The following FAT3 variants were observed in gnomAD, a reference collection of about 807,000 sequenced individuals.
The protein encoded by FAT3 is protocadherin Fat 3.
In FAT3, 95 loss-of-function variants were observed where a neutral mutation model predicts 310.2. That is an observed-to-expected ratio of 0.31 (90% CI 0.26 to 0.36). The LOEUF is 0.36. FAT3 is among the 10% of genes least tolerant of loss of function. The probability of loss-of-function intolerance (pLI) is 1.00; values close to 1 mark genes in which losing one functional copy is unlikely to be tolerated. For synonymous variants in FAT3, 2,314 were observed against 2,192.9 expected, an observed-to-expected ratio of 1.06 and a Z score of -1.54; for missense variants, 5,408 against 5,715.6, an observed-to-expected ratio of 0.95 and a Z score of 1.74.
At chr11:92,803,438 C>T (rs1281993404) in intron 10 of FAT3, among the ~76,000 whole-genome samples, 1 of 152,202 alleles carries the variant, frequency 6.6e-6, no homozygotes, top group East Asian at 1.9e-4. Context: ...CACTGTGGGC[C>T]TGCACTGAAA....
intron 3 of FAT3, among the ~76,000 whole-genome samples, chr11:92,640,748 G>T (rs998114392): frequency 5.9e-5 from 9 of 152,154 alleles, no homozygotes; most frequent in Non-Finnish European, 1.3e-4. Context: ...TTGAGTAAAA[G>T]GTAGCCCTGT....
chr11:92,385,933 T>A (rs865957244), intron 2 of FAT3, among the ~76,000 whole-genome samples: 1 of 151,810 alleles, frequency 6.6e-6, no homozygotes, highest in Non-Finnish European at 1.5e-5. Context: ...ATCACTTGAG[T>A]CCAGGAGTTC....
chr11:92,233,199 G>A (rs1299786553), intron 1 of FAT3, among the ~76,000 whole-genome samples: 2 of 152,192 alleles, frequency 1.3e-5, no homozygotes, highest in African/African-American at 4.8e-5. Context: ...TTCATTACCT[G>A]TTTATAACTT....
At chr11:92,387,300 G>C (rs1949648642) in intron 2 of FAT3, among the ~76,000 whole-genome samples, 1 of 152,102 alleles carries the variant, frequency 6.6e-6, no homozygotes, top group Non-Finnish European at 1.5e-5. Flanking sequence ...GAGGCACGAA[G>C]GTTCTTTCTT....
rs148166925 is a variant in FAT3 at position 92,836,179 on chromosome 11, G to A, written c.10087-387G>A. Among the ~76,000 whole-genome samples the A allele has an allele frequency of 4.9e-3, 741 of 152,246 alleles. 6 individuals carry two copies. Among genetic ancestry groups the A allele is most frequent in the Non-Finnish European group, 8.0e-3 (546 of 68,028 alleles). The stretch of plus-strand genomic sequence containing the variant: ...GAACTTTCTTGGCTTCCTTAACATG[G>A]AAATGCATAGGCCTAGAGAATCCCT... On this transcript the variant is annotated intron_variant, in intron 15 of 27. Coordinates refer to ENST00000525166, the MANE Select transcript of FAT3 (RefSeq NM_001367949.2).
At chr11:92,541,098 C>CTCAT (rs968117643) in intron 3 of FAT3, among the ~76,000 whole-genome samples, 1 of 152,188 alleles carries the variant, frequency 6.6e-6, no homozygotes, top group African/African-American at 2.4e-5. Context: ...TACTTACTCA[C>CTCAT]TCATTCATTT....
At chr11:92,452,728 T>C (rs1291291470) in intron 2 of FAT3, among the ~76,000 whole-genome samples, 1 of 152,072 alleles carries the variant, frequency 6.6e-6, no homozygotes, top group East Asian at 1.9e-4. Context: ...ATCATAAGCA[T>C]CTGTGACAGT....
At chr11:92,443,584 C>T (rs1006918330) in intron 2 of FAT3, among the ~76,000 whole-genome samples, 7 of 152,134 alleles carry the variant, frequency 4.6e-5, no homozygotes, top group Non-Finnish European at 7.4e-5. Flanking sequence ...TTTTAAGTCG[C>T]CAAGACTAGT....
intron 21 of FAT3, among the ~76,000 whole-genome samples, chr11:92,865,343 G>C (rs1949216654): frequency 6.6e-6 from 1 of 152,216 alleles, no homozygotes; most frequent in South Asian, 2.1e-4. Flanking sequence ...CACAAGGACT[G>C]CTTCAGTCTA....
chr11:92,781,227 T>C (rs918745947), intron 7 of FAT3, among the ~76,000 whole-genome samples: 5 of 151,562 alleles, frequency 3.3e-5, no homozygotes, highest in Non-Finnish European at 7.4e-5. Flanking sequence ...GGACTACAGG[T>C]GCATGCCACC....
At chr11:92,729,036 T>G (rs1442929710) in intron 4 of FAT3, among the ~76,000 whole-genome samples, 2 of 152,218 alleles carry the variant, frequency 1.3e-5, no homozygotes, top group Non-Finnish European at 1.5e-5. Context: ...ACACAGGGGT[T>G]ACATTGTTTC....
chr11:92,778,616 T>G (rs999452240), intron 7 of FAT3, among the ~76,000 whole-genome samples: 2 of 152,218 alleles, frequency 1.3e-5, no homozygotes, highest in Non-Finnish European at 2.9e-5. Flanking sequence ...TATATGTTTT[T>G]CTAGAGAGAA....
chr11:92,477,541 A>T (rs1303226491), intron 2 of FAT3, among the ~76,000 whole-genome samples: 1 of 152,014 alleles, frequency 6.6e-6, no homozygotes, highest in Non-Finnish European at 1.5e-5. Flanking sequence ...CTATTATCTC[A>T]CTGGAATCAA....
At chr11:92,765,224 C>A (rs201916685) in intron 6 of FAT3, 135 bp downstream of exon 6, 2 of 780,384 alleles carry the variant, frequency 2.6e-6, no homozygotes, top group Middle Eastern at 3.8e-4. Context: ...TGCTGGAATG[C>A]AAAAGAGCCA....
At chr11:92,314,897 A>C (rs1947396436) in intron 1 of FAT3, among the ~76,000 whole-genome samples, 1 of 152,146 alleles carries the variant, frequency 6.6e-6, no homozygotes, top group Admixed American at 6.6e-5. Context: ...AGTGATAGTG[A>C]GGGAAGGTCA....
chr11:92,249,045 C>T (rs956524673), intron 1 of FAT3, among the ~76,000 whole-genome samples: 5 of 152,068 alleles, frequency 3.3e-5, no homozygotes, highest in African/African-American at 1.2e-4. Context: ...ACAAATTGGC[C>T]ATCTAAATTT....
intron 2 of FAT3, among the ~76,000 whole-genome samples, chr11:92,518,783 AAAT>A (rs1359374772): frequency 6.6e-6 from 1 of 152,178 alleles, no homozygotes; most frequent in African/African-American, 2.4e-5. Flanking sequence ...ATTAAAATAA[AAAT>A]AATGCATTTT....
chr11:92,819,428 A>G (rs1322154904), intron 13 of FAT3, among the ~76,000 whole-genome samples: 1 of 152,192 alleles, frequency 6.6e-6, no homozygotes, highest in Non-Finnish European at 1.5e-5. Flanking sequence ...TCAGGGAAGG[A>G]ACCTCCTGAT....
chr11:92,344,599 G>A (rs1948360421), intron 1 of FAT3, among the ~76,000 whole-genome samples: 1 of 152,162 alleles, frequency 6.6e-6, no homozygotes, highest in Admixed American at 6.6e-5. Context: ...AGAAAAAAAT[G>A]CTGAGATTGC....
Sources: allele counts gnomAD v4.1 joint callset (sites outside exome capture counted in the v4.1 genomes callset), GRCh38; gene constraint gnomAD v4.1.1; transcripts MANE v1.5; gene names NCBI Gene and HGNC (gene_info 2026-07-23, HGNC 2026-07-21).